Variants in TMCO4 observed in about 807,000 individuals in gnomAD.
TMCO4 encodes the protein transmembrane and coiled-coil domain-containing protein 4.
TMCO4 carries 58 observed loss-of-function variants against 64.7 expected under a neutral mutation model. The ratio of observed to expected loss-of-function variants is 0.90; its 90% CI spans 0.73 to 1.12. TMCO4 has a LOEUF of 1.12. TMCO4 is among the 50% of genes most tolerant of loss of function. TMCO4 has a pLI of 0.00. For missense variants in TMCO4, 780 were observed against 825.9 expected, an observed-to-expected ratio of 0.94 and a Z score of 0.68; for synonymous variants, 325 against 346.1, an observed-to-expected ratio of 0.94 and a Z score of 0.68.
intron 10 of TMCO4, among the ~76,000 whole-genome samples, chr1:19,745,241 T>G (rs1409330894): frequency 7.8e-6 from 1 of 127,626 alleles, no homozygotes; most frequent in Admixed American, 9.7e-5. Flanking sequence ...AGTGGGTGGG[T>G]AGATGGATGA....
At chr1:19,789,114 T>C (rs2043898623) in intron 2 of TMCO4, among the ~76,000 whole-genome samples, 1 of 148,898 alleles carries the variant, frequency 6.7e-6, no homozygotes, top group Non-Finnish European at 1.5e-5. Context: ...ACAACAACCA[T>C]GTTTCAGCCA....
intron 15 of TMCO4, among the ~76,000 whole-genome samples, chr1:19,688,822 T>G (rs949778745): frequency 6.6e-6 from 1 of 152,212 alleles, no homozygotes; most frequent in Non-Finnish European, 1.5e-5. Flanking sequence ...TTATCAAGTA[T>G]CTACTTTGTG....
chr1:19,699,191 G>A (rs1338077778), intron 14 of TMCO4, among the ~76,000 whole-genome samples: 20 of 147,054 alleles, frequency 1.4e-4, no homozygotes, highest in African/African-American at 2.8e-4. Flanking sequence ...GTGAGACTCC[G>A]TTTCAAAAAA....
At chr1:19,765,493 C>G (rs1192626091) in intron 6 of TMCO4, among the ~76,000 whole-genome samples, 1 of 151,970 alleles carries the variant, frequency 6.6e-6, no homozygotes, top group Non-Finnish European at 1.5e-5. Context: ...TCAGGAATGT[C>G]TACTGGCACC....
At chr1:19,718,605 G>A (rs2095367226) in intron 13 of TMCO4, among the ~76,000 whole-genome samples, 1 of 124,170 alleles carries the variant, frequency 8.1e-6, no homozygotes, top group Non-Finnish European at 1.6e-5. Context: ...GAGCTATGAT[G>A]GTGCCACTGC....
rs181134714 is a variant in TMCO4, at chr1:19,770,097, C to G, written c.382+445G>C. ...TTTTTCTCCTGAGTGCAGAGGGAGC[C>G]ACTTCGAGGCAGTTAGCAGGGAGGT... On this transcript the variant is annotated intron_variant, in intron 6 of 15. Coordinates refer to ENST00000294543, the MANE Select transcript of TMCO4 (RefSeq NM_181719.7). Among the ~76,000 whole-genome samples the G allele has an allele frequency of 4.1e-3, 624 of 152,320 alleles. 3 individuals carry two copies. The highest frequency in any genetic ancestry group is 0.013 in the African/African-American group (552 of 41,576).
At chr1:19,786,212 G>T (rs1281737756) in intron 3 of TMCO4, among the ~76,000 whole-genome samples, 1 of 152,252 alleles carries the variant, frequency 6.6e-6, no homozygotes, top group East Asian at 1.9e-4. Flanking sequence ...AGCCGTGATC[G>T]CACTATTGCC....
In TMCO4 at chr1:19,755,619, G is replaced by A. The variant is rs746751230; in HGVS notation, c.515+15C>T. The A allele has an allele frequency of 1.2e-5, 20 of 1,613,462 alleles. No individual in the cohort carries two copies. Among genetic ancestry groups the A allele is most frequent in the Non-Finnish European group, 1.7e-5 (20 of 1,179,654 alleles). On this transcript the variant is annotated intron_variant, in intron 7 of 15. Coordinates refer to ENST00000294543, the MANE Select transcript of TMCO4 (RefSeq NM_181719.7). ...AAATCCTTGGATCCTGATGGGGGTCGCGGGGCTCTCTTACTCAGATTCCTC... is the reference window on the plus strand; with the variant it reads ...AAATCCTTGGATCCTGATGGGGGTCACGGGGCTCTCTTACTCAGATTCCTC...
In TMCO4 at chr1:19,734,680, C is replaced by T. The variant is rs757254196; in HGVS notation, c.1264+2692G>A. 8.5e-5 allele frequency among the ~76,000 whole-genome samples: 13 copies of T among 152,126 alleles called. No individual in the cohort carries two copies. Among genetic ancestry groups the T allele is most frequent in the Non-Finnish European group, 1.3e-4 (9 of 68,012 alleles). ...CACCCCTGAGAGCCCCGCCTTTGCC[C>T]ATGCTGGCCGACCCTCTGGAATGCC... On this transcript the variant is annotated intron_variant, in intron 13 of 15. Coordinates refer to ENST00000294543, the MANE Select transcript of TMCO4 (RefSeq NM_181719.7). The surrounding 1 kb of genome is among the most constrained non-coding windows in gnomAD (Gnocchi z 4.4).
At chr1:19,689,134 A>C (rs2095172261) in intron 15 of TMCO4, among the ~76,000 whole-genome samples, 1 of 152,190 alleles carries the variant, frequency 6.6e-6, no homozygotes, top group Non-Finnish European at 1.5e-5. Flanking sequence ...TGTTGGGAGC[A>C]GAGGGTGGCC....
chr1:19,771,176 G>A, intron 5 of TMCO4, 132 bp downstream of exon 5: 1 of 937,910 alleles, frequency 1.1e-6, no homozygotes, highest in Non-Finnish European at 1.6e-6. Context: ...CTATGATCAT[G>A]ATATGATATT....
chr1:19,716,291 T>A (rs2095355785), intron 13 of TMCO4, among the ~76,000 whole-genome samples: 1 of 150,638 alleles, frequency 6.6e-6, no homozygotes, highest in Non-Finnish European at 1.5e-5. Flanking sequence ...TTCAAGCGAT[T>A]CTCCTGCCTC....
Position 19,761,085 on chromosome 1 carries a change from C to T in TMCO4, c.383-5319G>A, listed in dbSNP as rs938809310. ...GAATCCTTATGACCCTCTGAAGTGG[C>T]GGGTACTATAGAAACTCCATCTTCT... On this transcript the variant is annotated intron_variant, in intron 6 of 15. Coordinates refer to ENST00000294543, the MANE Select transcript of TMCO4 (RefSeq NM_181719.7). Among the ~76,000 whole-genome samples the T allele has an allele frequency of 5.9e-5, 9 of 152,298 alleles. No homozygotes were observed. In the East Asian group the frequency reaches 1.5e-3, roughly 26 times the overall value.
intron 3 of TMCO4, among the ~76,000 whole-genome samples, chr1:19,786,289 A>C (rs1009782373): frequency 3.3e-5 from 5 of 152,072 alleles, no homozygotes; most frequent in African/African-American, 1.2e-4. Flanking sequence ...AACAGAAAAA[A>C]CAGACAACAA....
intron 13 of TMCO4, among the ~76,000 whole-genome samples, chr1:19,728,287 C>G (rs926893211): frequency 6.6e-6 from 1 of 152,206 alleles, no homozygotes; most frequent in African/African-American, 2.4e-5. Context: ...CCACCTTTCT[C>G]TAAATCCACT....
intron 3 of TMCO4, among the ~76,000 whole-genome samples, chr1:19,781,497 G>A (rs1321519215): frequency 6.6e-6 from 1 of 150,564 alleles, no homozygotes; most frequent in Non-Finnish European, 1.5e-5. Context: ...CAATAAGTAT[G>A]AAAAGATGTT....
intron 6 of TMCO4, among the ~76,000 whole-genome samples, chr1:19,768,836 T>C (rs992325055): frequency 3.9e-5 from 6 of 152,198 alleles, no homozygotes; most frequent in Non-Finnish European, 5.9e-5. Context: ...GCTGAGACTC[T>C]GTATTTCTCA....
chr1:19,752,933 C>T (rs568227424), intron 7 of TMCO4, among the ~76,000 whole-genome samples: 36 of 151,152 alleles, frequency 2.4e-4, no homozygotes, highest in Non-Finnish European at 3.8e-4. Context: ...ACGATGTGAG[C>T]GGTATCTTTC....
chr1:19,699,123 G>C (rs770792092), intron 14 of TMCO4, among the ~76,000 whole-genome samples: 3 of 152,028 alleles, frequency 2.0e-5, no homozygotes, highest in Admixed American at 1.3e-4. Flanking sequence ...ATGAACCTGG[G>C]GGGTGGAGCT....
Sources: gnomAD v4.1 joint callset for allele counts (sites outside exome capture counted in the v4.1 genomes callset) on GRCh38, gnomAD v4.1.1 for gene constraint, Gnocchi (gnomAD v3.1) non-coding constraint, MANE v1.5 for transcripts, NCBI Gene and HGNC (gene_info 2026-07-23, HGNC 2026-07-21) for gene names.